ASH1L: variants seen among roughly 807,000 people sequenced by gnomAD.
ASH1L encodes the protein histone-lysine N-methyltransferase ASH1L.
In ASH1L, 23 loss-of-function variants were observed where a neutral mutation model predicts 269.0. The observed-to-expected ratio is 0.09, with a 90% CI of 0.06 to 0.12. The LOEUF is 0.12. Ranked by LOEUF, ASH1L falls within the 10% of genes least tolerant of loss-of-function variation. The pLI is 1.00. For synonymous variants in ASH1L, 1,187 were observed against 1,253.5 expected (o/e 0.95, Z 1.12); for missense variants, 2,912 against 3,567.8 (o/e 0.82, Z 4.68).
At chr1:155,491,770 A>G (rs1195750940) in intron 2 of ASH1L, among the ~76,000 whole-genome samples, 1 of 151,982 alleles carries the variant, frequency 6.6e-6, no homozygotes, top group Non-Finnish European at 1.5e-5. Context: ...CCTGGGTTCA[A>G]GCAATTCTTG....
At chr1:155,502,963 C>T (rs986449373) in intron 2 of ASH1L, among the ~76,000 whole-genome samples, 3 of 152,108 alleles carry the variant, frequency 2.0e-5, no homozygotes, top group East Asian at 1.9e-4. Context: ...TTGCCCTAAC[C>T]GTTATAATCA....
chr1:155,441,310 A>C (rs1016870715), intron 4 of ASH1L, among the ~76,000 whole-genome samples: 158 of 119,574 alleles, frequency 1.3e-3, no homozygotes, highest in African/African-American at 1.8e-3. Flanking sequence ...CCCCACTCCC[A>C]CCCCGGCCCC....
intron 2 of ASH1L, among the ~76,000 whole-genome samples, chr1:155,507,575 A>G (rs1158764349): frequency 1.3e-5 from 2 of 151,828 alleles, no homozygotes; most frequent in Non-Finnish European, 2.9e-5. Context: ...ATCATGAGAC[A>G]TGGTATAATG....
At position 155,479,624 on chromosome 1, in the gene ASH1L, C is replaced by T. The variant is rs764753936; in HGVS notation, c.3246G>A (p.Gly1082=). The T allele has an allele frequency of 8.7e-6, 14 of 1,614,082 alleles. No individual in the cohort carries two copies. The South Asian group carries it at 1.4e-4, about 16-fold the overall frequency. The change falls in exon 3 of 28, where the codon GGG becomes GGA. Residue 1082 remains glycine (G), a synonymous_variant. Coordinates refer to ENST00000392403, the MANE Select transcript of ASH1L (RefSeq NM_018489.3). ...VLEQTAQQAA[G]SALGQILPPL... is the part of the protein sequence containing the mutation. ...GGGGAAGAATCTGTCCTAATGCTGA[C>T]CCAGCTGCCTGTTGAGCTGTTTGCT...
chr1:155,389,630 G>A (rs773059906), intron 7 of ASH1L, among the ~76,000 whole-genome samples: 1 of 152,024 alleles, frequency 6.6e-6, no homozygotes, highest in South Asian at 2.1e-4. Context: ...CCAAGATCAC[G>A]CCACTGCACT....
chr1:155,346,692 C>G (rs1253784560), intron 20 of ASH1L, among the ~76,000 whole-genome samples: 2 of 152,134 alleles, frequency 1.3e-5, no homozygotes, highest in African/African-American at 2.4e-5. Flanking sequence ...ATCTATAGAT[C>G]TGGGCAAATA....
chr1:155,446,673 C>G (rs1237277687), intron 4 of ASH1L, among the ~76,000 whole-genome samples: 6 of 144,026 alleles, frequency 4.2e-5, no homozygotes, highest in Admixed American at 3.6e-4. Flanking sequence ...CTAGGCTGGA[C>G]TGCAGTGGCG....
chr1:155,435,880 G>A (rs896718236), intron 5 of ASH1L, among the ~76,000 whole-genome samples: 2 of 152,154 alleles, frequency 1.3e-5, no homozygotes, highest in South Asian at 4.1e-4. Context: ...GTGAAACCTC[G>A]TCTCTACTAA....
At chr1:155,458,499 G>C (rs539910041) in intron 4 of ASH1L, among the ~76,000 whole-genome samples, 2 of 152,330 alleles carry the variant, frequency 1.3e-5, no homozygotes, top group African/African-American at 4.8e-5. Flanking sequence ...CAGATCATCT[G>C]AGGTCAGGAG....
In ASH1L at chr1:155,435,480, A is replaced by G. The variant is rs1224092406; in HGVS notation, c.5828+2847T>C. ...TCCATGGAGAGAAGAATGGGATAAG[A>G]GCAAGTGAGAGCATGTGAAAAGAGA... On this transcript the variant is annotated intron_variant, in intron 5 of 27. Coordinates refer to ENST00000392403, the MANE Select transcript of ASH1L (RefSeq NM_018489.3). Among the ~76,000 whole-genome samples the G allele has an allele frequency of 3.3e-5, 5 of 152,214 alleles. No individual in the cohort carries two copies. In the East Asian group the frequency reaches 7.7e-4, roughly 23 times the overall value.
At chr1:155,417,214 C>T (rs531995999) in intron 5 of ASH1L, among the ~76,000 whole-genome samples, 65 of 151,948 alleles carry the variant, frequency 4.3e-4, no homozygotes, top group African/African-American at 1.1e-3. Context: ...GGATTACAGG[C>T]GTGAGCCATC....
rs368800129 is a variant in ASH1L at position 155,411,586 on chromosome 1, AATATATAT to A, written c.6008+4150_6008+4157del. 5.5e-3 allele frequency among the ~76,000 whole-genome samples: 302 copies of A among 55,178 alleles called. 17 individuals are homozygous for A. The highest frequency in any genetic ancestry group is 0.024 in the South Asian group (29 of 1,188). The allele number at this position is 55,178 out of a possible 152,430, so 36.2% of individuals were successfully genotyped here. A position where few individuals can be genotyped will look rare whatever the true frequency, so the allele number is the denominator to read the frequency against. On this transcript the variant is annotated intron_variant, in intron 6 of 27. Coordinates refer to ENST00000392403, the MANE Select transcript of ASH1L (RefSeq NM_018489.3). ...AAATATGAATATAAATAAATAAATAAATATATATATATATATATATATATATATATATG... is the reference window on the plus strand; with the variant it reads ...AAATATGAATATAAATAAATAAATAAATATATATATATATATATATATATG...
At chr1:155,353,998 A>C (rs909620804) in intron 16 of ASH1L, among the ~76,000 whole-genome samples, 4 of 152,210 alleles carry the variant, frequency 2.6e-5, no homozygotes, top group Non-Finnish European at 5.9e-5. Context: ...TCTATTCCCT[A>C]AAGAGAGGAA....
chr1:155,345,042 C>T lies in ASH1L; in HGVS notation c.7891-769G>A, dbSNP rs189845503. 7.2e-5 allele frequency among the ~76,000 whole-genome samples: 11 copies of T among 152,072 alleles called. No individual in the cohort carries two copies. In the East Asian group the frequency reaches 7.7e-4, roughly 11 times the overall value. ...TGCGATCTCGACCCACTGCAACTTCCGCCTCCAGATTCAAGTGAATTCTCC... is the reference window on the plus strand; with the variant it reads ...TGCGATCTCGACCCACTGCAACTTCTGCCTCCAGATTCAAGTGAATTCTCC... On this transcript the variant is annotated intron_variant, in intron 21 of 27. Transcript: ENST00000392403.
chr1:155,410,313 T>C (rs998603623), intron 6 of ASH1L, among the ~76,000 whole-genome samples: 6 of 149,020 alleles, frequency 4.0e-5, no homozygotes, highest in Non-Finnish European at 7.4e-5. Context: ...TATTTACTTA[T>C]TTATTTCTGA....
At chr1:155,484,018 T>C (rs767920082) in intron 2 of ASH1L, among the ~76,000 whole-genome samples, 22 of 152,324 alleles carry the variant, frequency 1.4e-4, no homozygotes, top group Non-Finnish European at 2.9e-4. Context: ...CTACCGATTA[T>C]ATTTTAAAAT....
chr1:155,490,786 C>G (rs1331212440), intron 2 of ASH1L, among the ~76,000 whole-genome samples: 1 of 151,720 alleles, frequency 6.6e-6, no homozygotes, highest in Non-Finnish European at 1.5e-5. Context: ...GGGAGACCCC[C>G]TTCTCTACAA....
intron 2 of ASH1L, chr1:155,520,178 C>T (rs539377636): frequency 3.1e-4 from 46 of 150,544 alleles, no homozygotes; most frequent in African/African-American, 1.1e-3. Context: ...ATGGTGAAAC[C>T]TCATCTCTAC....
At chr1:155,396,302 G>T (rs1328937561) in intron 6 of ASH1L, 1 of 152,098 alleles carries the variant, frequency 6.6e-6, no homozygotes. Flanking sequence ...TTAGCTTAAA[G>T]TTCCAATTAA....
Sources: allele counts gnomAD v4.1 joint callset (sites outside exome capture counted in the v4.1 genomes callset), GRCh38; gene constraint gnomAD v4.1.1; transcripts MANE v1.5; gene names NCBI Gene and HGNC (gene_info 2026-07-23, HGNC 2026-07-21).